Variants in FAM227B observed in about 807,000 individuals in gnomAD.
The protein encoded by FAM227B is family with sequence similarity 227 member B.
A neutral mutation model predicts 73.8 loss-of-function variants in FAM227B; 88 were observed. The ratio of observed to expected loss-of-function variants is 1.19; its 90% CI spans 1.00 to 1.42. FAM227B has a LOEUF of 1.42. FAM227B is among the 40% of genes most tolerant of loss of function. The probability of loss-of-function intolerance (pLI) is 0.00; values close to 1 mark genes in which losing one functional copy is unlikely to be tolerated. For missense variants in FAM227B, 632 were observed against 590.9 expected, an observed-to-expected ratio of 1.07 and a Z score of -0.72; for synonymous variants, 210 against 190.5, an observed-to-expected ratio of 1.10 and a Z score of -0.84.
intron 14 of FAM227B, among the ~76,000 whole-genome samples, chr15:49,332,842 CAG>C (rs1271941521): frequency 6.6e-6 from 1 of 152,184 alleles, no homozygotes; most frequent in Non-Finnish European, 1.5e-5. Context: ...CCCCTGAAGG[CAG>C]AGTGGGATTA....
intron 11 of FAM227B, among the ~76,000 whole-genome samples, chr15:49,441,224 A>G (rs1369820630): frequency 1.3e-5 from 2 of 151,680 alleles, no homozygotes; most frequent in African/African-American, 4.8e-5. Flanking sequence ...AATACTGCCA[A>G]TGTTGCCTGG....
chr15:49,447,451 A>C (rs1222724465), intron 11 of FAM227B, among the ~76,000 whole-genome samples: 1 of 151,682 alleles, frequency 6.6e-6, no homozygotes, highest in Non-Finnish European at 1.5e-5. Context: ...GTGCATTACA[A>C]GAGTCAAATA....
chr15:49,384,428 T>C (rs2046747168), intron 11 of FAM227B, among the ~76,000 whole-genome samples: 1 of 152,134 alleles, frequency 6.6e-6, no homozygotes. Flanking sequence ...GGGCTCACTG[T>C]CTGTGGGGAT....
chr15:49,338,188 T>A (rs1216089376), intron 13 of FAM227B, among the ~76,000 whole-genome samples: 1 of 152,208 alleles, frequency 6.6e-6, no homozygotes, highest in African/African-American at 2.4e-5. Flanking sequence ...GCTATCTGGT[T>A]GTTTTGCCCG....
intron 11 of FAM227B, among the ~76,000 whole-genome samples, chr15:49,440,673 T>C (rs1024362458): frequency 6.6e-6 from 1 of 151,734 alleles, no homozygotes; most frequent in Non-Finnish European, 1.5e-5. Flanking sequence ...TTTACATGAT[T>C]TCTCTCATCT....
chr15:49,363,758 G>T (rs1334808843), intron 13 of FAM227B, among the ~76,000 whole-genome samples: 3 of 152,100 alleles, frequency 2.0e-5, no homozygotes, highest in African/African-American at 7.2e-5. Flanking sequence ...GTTTGTCATA[G>T]ATGGCTCTTA....
chr15:49,467,683 G>A (rs2054386348), intron 11 of FAM227B, among the ~76,000 whole-genome samples: 1 of 152,134 alleles, frequency 6.6e-6, no homozygotes, highest in Non-Finnish European at 1.5e-5. Flanking sequence ...TTTAGCAGAT[G>A]TAAATAGTCT....
intron 11 of FAM227B, chr15:49,396,105 G>C (rs926879114): frequency 1.6e-4 from 64 of 407,972 alleles, no homozygotes; most frequent in Admixed American, 2.3e-4. Context: ...TCACTAGGGA[G>C]TGCCAGACAG....
At chr15:49,484,127 C>A (rs911694390) in intron 11 of FAM227B, among the ~76,000 whole-genome samples, 1 of 151,932 alleles carries the variant, frequency 6.6e-6, no homozygotes, top group African/African-American at 2.4e-5. Flanking sequence ...ATTTAAGATA[C>A]CTTTTTATGC....
intron 11 of FAM227B, among the ~76,000 whole-genome samples, chr15:49,505,259 G>C (rs1249742158): frequency 6.6e-6 from 1 of 152,090 alleles, no homozygotes; most frequent in Non-Finnish European, 1.5e-5. Flanking sequence ...TTGGTGGCAA[G>C]AAGGAATTAC....
Position 49,358,766 on chromosome 15 carries a change from G to A in FAM227B, c.1271+8682C>T, listed in dbSNP as rs536869489. On this transcript the variant is annotated intron_variant, in intron 13 of 15. Coordinates refer to ENST00000299338, the MANE Select transcript of FAM227B (RefSeq NM_152647.3). ...AAAGTTCATATGGAACCAAAAAAGA[G>A]CCTGCATCGCCAAGTCAAACTTAAG... Among the ~76,000 whole-genome samples the A allele has an allele frequency of 2.0e-5, 3 of 152,214 alleles. No individual in the cohort carries two copies. The East Asian group carries it at 5.8e-4, about 29-fold the overall frequency.
chr15:49,469,990 G>C (rs2054590970), intron 11 of FAM227B, among the ~76,000 whole-genome samples: 1 of 152,052 alleles, frequency 6.6e-6, no homozygotes. Context: ...TTCATTAGAG[G>C]ATGGCATTAA....
chr15:49,375,085 A>T (rs1386554106), intron 11 of FAM227B, among the ~76,000 whole-genome samples: 1 of 152,202 alleles, frequency 6.6e-6, no homozygotes, highest in East Asian at 1.9e-4. Flanking sequence ...TGAAAGATTA[A>T]GGACCTTCTC....
intron 9 of FAM227B, among the ~76,000 whole-genome samples, chr15:49,557,019 A>G (rs2152325274): frequency 6.6e-6 from 1 of 152,230 alleles, no homozygotes; most frequent in African/African-American, 2.4e-5. Context: ...GGGGCCAGGA[A>G]GAAGTCCTTG....
chr15:49,590,168 C>G (rs1473691382), intron 3 of FAM227B, among the ~76,000 whole-genome samples, 161 bp from the exon 4 acceptor site: 1 of 152,138 alleles, frequency 6.6e-6, no homozygotes, highest in East Asian at 1.9e-4. Context: ...AGAAAAGTTA[C>G]AAGTCCTTTA....
intron 9 of FAM227B, among the ~76,000 whole-genome samples, chr15:49,566,516 T>G (rs1318584108): frequency 6.6e-6 from 1 of 152,216 alleles, no homozygotes; most frequent in African/African-American, 2.4e-5. Flanking sequence ...TTCAGATTAA[T>G]TTGTGCTAAA....
At chr15:49,369,462 T>C (rs1275728754) in intron 12 of FAM227B, among the ~76,000 whole-genome samples, 1 of 152,054 alleles carries the variant, frequency 6.6e-6, no homozygotes, top group Admixed American at 6.6e-5. Context: ...ATTCAAAGAA[T>C]CAAGCAACTC....
intron 3 of FAM227B, among the ~76,000 whole-genome samples, chr15:49,591,017 TCTC>T (rs539474538): frequency 7.0e-5 from 8 of 114,796 alleles, no homozygotes; most frequent in African/African-American, 2.0e-4. Flanking sequence ...TCTTTCTCTT[TCTC>T]TTTTTTTTGT....
At chr15:49,606,815 T>C (rs1598518054) in intron 3 of FAM227B, among the ~76,000 whole-genome samples, 1 of 151,976 alleles carries the variant, frequency 6.6e-6, no homozygotes, top group Admixed American at 6.6e-5. Flanking sequence ...AGGAAGCAGA[T>C]GGAATGAAAA....
Sources: allele counts gnomAD v4.1 joint callset (sites outside exome capture counted in the v4.1 genomes callset), GRCh38; gene constraint gnomAD v4.1.1; transcripts MANE v1.5; gene names NCBI Gene and HGNC (gene_info 2026-07-23, HGNC 2026-07-21).